The following LILRA2 variants were observed in gnomAD, a reference collection of about 807,000 sequenced individuals.
LILRA2 encodes leukocyte immunoglobulin-like receptor subfamily A member 2.
A neutral mutation model predicts 47.9 loss-of-function variants in LILRA2; 45 were observed. The observed-to-expected ratio is 0.94, with a 90% confidence interval of 0.74 to 1.20. The LOEUF (loss-of-function observed/expected upper bound fraction) is 1.20. Ranked by LOEUF, LILRA2 falls within the 50% of genes most tolerant of loss-of-function variation. LILRA2 has a pLI of 0.00. For missense variants in LILRA2, 651 were observed against 598.2 expected (o/e 1.09, Z -0.92); for synonymous variants, 279 against 249.2 (o/e 1.12, Z -1.13).
chr19:54,575,312 G>C lies in LILRA2; in HGVS notation c.712G>C (p.Glu238Gln), dbSNP rs139468214. The C allele has an allele frequency of 3.1e-6, 5 of 1,613,922 alleles. No individual in the cohort carries two copies. Among genetic ancestry groups the C allele is most frequent in the Non-Finnish European group, 4.2e-6 (5 of 1,179,948 alleles). Reference protein sequence around the residue: ...VQPGPMVAPGESLTLQCVSDV... With the variant: ...VQPGPMVAPGQSLTLQCVSDV... Reference sequence around the variant, plus strand: ...GCCAGGTCCTATGGTGGCCCCTGGGGAGAGCCTGACCCTCCAGTGTGTCTC... The same window carrying C: ...GCCAGGTCCTATGGTGGCCCCTGGGCAGAGCCTGACCCTCCAGTGTGTCTC... The change falls in exon 5 of 8, where the codon GAG becomes CAG. Residue 238 changes from glutamate to glutamine, a missense_variant. Transcript: ENST00000391738.
At chr19:54,575,660 A>G (rs770689469) in intron 5 of LILRA2, 108 bp downstream of exon 5, 9 of 1,336,348 alleles carry the variant, frequency 6.7e-6, no homozygotes, top group Non-Finnish European at 9.3e-6. Flanking sequence ...CAAGGGAGGG[A>G]GAGACAGAGA....
rs760391130 is a variant in LILRA2, at chr19:54,575,530, C to T, written c.930C>T (p.Asp310=). 3 of 1,612,384 alleles carry T rather than the reference C, an allele frequency of 1.9e-6. No homozygotes were observed. The highest frequency in any genetic ancestry group is 1.3e-5 in the African/African-American group (1 of 74,976). Residue 310 remains aspartate, a synonymous_variant, in exon 5 of 8, where the codon GAC becomes GAT. Coordinates refer to ENST00000391738, the MANE Select transcript of LILRA2 (RefSeq NM_001130917.3). ...CCTCCGAGTGGTCGGCCCCCAGTGA[C>T]CCCCTGGACATCCTGATCACAGGTG... ...NLSSEWSAPS[D]PLDILITGQF...
chr19:54,577,180 T>C (rs1241270316), intron 6 of LILRA2, among the ~76,000 whole-genome samples: 1 of 151,412 alleles, frequency 6.6e-6, no homozygotes, highest in African/African-American at 2.4e-5. Context: ...AAAACCCCGC[T>C]GGTTGAGAGT....
chr19:54,576,036 A>T lies in LILRA2; in HGVS notation c.1182A>T (p.Arg394Ser), dbSNP rs371530255. ...PVTSAHVGTY[R>S]CYSSLSSNPY... Reference sequence around the variant, plus strand: ...CCTCAGCCCACGTGGGGACCTACAGATGCTACAGCTCACTCAGCTCCAACC... The same window carrying T: ...CCTCAGCCCACGTGGGGACCTACAGTTGCTACAGCTCACTCAGCTCCAACC... The change falls in exon 6 of 8, where the codon AGA becomes AGT. Residue 394 changes from arginine to serine, a missense_variant. Transcript: ENST00000391738. 1 of 1,261,246 alleles carries T rather than the reference A, an allele frequency of 7.9e-7. No individual in the cohort carries two copies. Among genetic ancestry groups the T allele is most frequent in the Non-Finnish European group, 1.1e-6 (1 of 899,248 alleles). The allele number at this position is 1,261,246 out of a possible 1,614,324, so 78.1% of individuals were successfully genotyped here.
At chr19:54,584,621 A>G (rs940547477) in intron 6 of LILRA2, among the ~76,000 whole-genome samples, 1 of 152,228 alleles carries the variant, frequency 6.6e-6, no homozygotes, top group Non-Finnish European at 1.5e-5. Context: ...TTTCAGCTGC[A>G]TCAGGTCATT....
intron 6 of LILRA2, among the ~76,000 whole-genome samples, chr19:54,578,288 C>T (rs1242461849): frequency 1.3e-5 from 2 of 152,034 alleles, no homozygotes; most frequent in African/African-American, 4.8e-5. Flanking sequence ...AGCCCCCCAC[C>T]CCTAGACTGG....
In LILRA2 at chr19:54,589,190, A is replaced by G. The variant is rs2062884506; in HGVS notation, c.*1844A>G. The G allele has an allele frequency of 6.7e-6, 1 of 150,282 alleles. No homozygotes were observed. The highest frequency in any genetic ancestry group is 1.5e-5 in the Non-Finnish European group (1 of 67,404). 9.3% of individuals were successfully genotyped at this position (150,282 alleles called of 1,614,324 possible). A position where few individuals can be genotyped will look rare whatever the true frequency, so the allele number is the denominator to read the frequency against. ...CATCCTAATTCGTTATGATCCCTTG[A>G]TCATAACTTAAATGCATTTGCAAAG... On this transcript the variant is annotated 3_prime_UTR_variant, in exon 8 of 8. Coordinates refer to ENST00000391738, the MANE Select transcript of LILRA2 (RefSeq NM_001130917.3).
At chr19:54,575,088 C>A (rs1398103822) in intron 4 of LILRA2, 55 bp downstream of exon 4, 7 of 1,586,430 alleles carry the variant, frequency 4.4e-6, no homozygotes, top group Non-Finnish European at 8.6e-7. Flanking sequence ...AGTCTCCAGG[C>A]AGGTGGGGAG....
At chr19:54,578,630 A>G (rs1383986503) in intron 6 of LILRA2, among the ~76,000 whole-genome samples, 1 of 152,226 alleles carries the variant, frequency 6.6e-6, no homozygotes, top group African/African-American at 2.4e-5. Flanking sequence ...CCCTTTGGGT[A>G]TATGCCCAGT....
At chr19:54,577,499 G>A (rs1274564602) in intron 6 of LILRA2, 79 of 1,289,302 alleles carry the variant, frequency 6.1e-5, no homozygotes, top group Non-Finnish European at 7.0e-5. Flanking sequence ...CCACACCTGC[G>A]GGGTCCCTGG....
intron 6 of LILRA2, among the ~76,000 whole-genome samples, chr19:54,581,869 G>C (rs117250638): frequency 1.4e-3 from 219 of 152,222 alleles, no homozygotes; most frequent in Non-Finnish European, 2.5e-3. Context: ...GTTTTCAAAG[G>C]GAATACTTCT....
rs2062860185 is a variant in LILRA2 at position 54,587,923 on chromosome 19, T to C, written c.*577T>C. On this transcript the variant is annotated 3_prime_UTR_variant, in exon 8 of 8. Transcript: ENST00000391738. ...CCTGAAATATCACCACTTGGAATCA[T>C]CACACTGGCATTTCAAGTGACACCA... is the stretch of plus-strand genomic sequence containing the variant. The C allele has an allele frequency of 6.5e-6, 1 of 153,782 alleles. No individual in the cohort carries two copies. Among genetic ancestry groups the C allele is most frequent in the African/African-American group, 2.4e-5 (1 of 41,474 alleles). The allele number at this position is 153,782 out of a possible 1,614,324, so 9.5% of individuals were successfully genotyped here.
chr19:54,576,855 G>A (rs910454055), intron 6 of LILRA2, among the ~76,000 whole-genome samples: 1 of 152,284 alleles, frequency 6.6e-6, no homozygotes, highest in African/African-American at 2.4e-5. Context: ...TCCTTGGGAG[G>A]TGGAACTTCT....
Position 54,588,025 on chromosome 19 carries a change from A to G in LILRA2, c.*679A>G, listed in dbSNP as rs1003468154. ...ATCTACCAATTTCTGTGACATAAAT[A>G]TTTTTCTCATGGCCCAAATCAAGGT... is the stretch of plus-strand genomic sequence containing the variant. On this transcript the variant is annotated 3_prime_UTR_variant, in exon 8 of 8. Transcript: ENST00000391738. 1.3e-5 allele frequency: 2 copies of G among 152,364 alleles called. No individual in the cohort carries two copies. The highest frequency in any genetic ancestry group is 2.9e-5 in the Non-Finnish European group (2 of 68,220). 9.4% of individuals were successfully genotyped at this position (152,364 alleles called of 1,614,324 possible).
intron 6 of LILRA2, among the ~76,000 whole-genome samples, chr19:54,582,081 T>G (rs191786679): frequency 1.3e-4 from 20 of 152,304 alleles, no homozygotes; most frequent in Non-Finnish European, 2.5e-4. Context: ...TTACATTTAG[T>G]GATTTGCCTA....
rs1415193539 is a variant in LILRA2, at chr19:54,584,294, A to G, written c.1256-2716A>G. ...GGAGTGTCTTTGTGGTGTTCTCTGTATTTCCTGAATTTGAATGTTGGCTTG... is the reference window on the plus strand; with the variant it reads ...GGAGTGTCTTTGTGGTGTTCTCTGTGTTTCCTGAATTTGAATGTTGGCTTG... On this transcript the variant is annotated intron_variant, in intron 6 of 7. Transcript: ENST00000391738. 2.0e-5 allele frequency among the ~76,000 whole-genome samples: 3 copies of G among 152,038 alleles called. No individual in the cohort carries two copies. The East Asian group carries it at 5.8e-4, about 29-fold the overall frequency.
At position 54,588,077 on chromosome 19, in the gene LILRA2, G is replaced by A. The variant is rs117511157; in HGVS notation, c.*731G>A. ...CCAATGGGTTCTCACTGAATACAGG[G>A]TTGGGAAGCAAGGGACAGAACTGTC... On this transcript the variant is annotated 3_prime_UTR_variant, in exon 8 of 8. Transcript: ENST00000391738. The A allele has an allele frequency of 3.6e-3, 546 of 152,404 alleles. No individual in the cohort carries two copies. In the South Asian group the frequency reaches 0.072, roughly 20 times the overall value. 9.4% of individuals were successfully genotyped at this position (152,404 alleles called of 1,614,324 possible).
chr19:54,577,551 G>A, intron 6 of LILRA2: 1 of 1,289,756 alleles, frequency 7.8e-7, no homozygotes, highest in Non-Finnish European at 1.0e-6. Flanking sequence ...GGCCTCGGTG[G>A]GATCTGACTG....
upstream of LILRA2, chr19:54,573,042 G>C (rs1379789415): frequency 4.8e-6 from 1 of 207,324 alleles, no homozygotes; most frequent in African/African-American, 2.3e-5. Flanking sequence ...GGAATGCTAA[G>C]GGGTGATCAT....
Sources: gnomAD v4.1 joint callset for allele counts (sites outside exome capture counted in the v4.1 genomes callset) on GRCh38, gnomAD v4.1.1 for gene constraint, MANE v1.5 for transcripts, NCBI Gene and HGNC (gene_info 2026-07-23, HGNC 2026-07-21) for gene names.